The following KASH5 variants were observed in gnomAD, a reference collection of about 807,000 sequenced individuals.
KASH5 encodes the protein protein KASH5.
In KASH5, 72 loss-of-function variants were observed where a neutral mutation model predicts 84.2. That is an observed-to-expected ratio of 0.85 (90% confidence interval 0.71 to 1.04). KASH5 has a LOEUF of 1.04. Among genes scored for constraint, KASH5 ranks in the 50% least tolerant of loss-of-function variants. The pLI, the probability that KASH5 is intolerant of heterozygous loss-of-function variation, is 0.00. For synonymous variants in KASH5, 260 were observed against 279.1 expected, an observed-to-expected ratio of 0.93 and a Z score of 0.68; for missense variants, 650 against 701.0, an observed-to-expected ratio of 0.93 and a Z score of 0.82.
At chr19:49,400,361 T>C (rs1017289129) in intron 9 of KASH5, among the ~76,000 whole-genome samples, 6 of 146,874 alleles carry the variant, frequency 4.1e-5, no homozygotes, top group Non-Finnish European at 9.1e-5. Context: ...TTCTTTTTTT[T>C]TTTTTTCTTT....
chr19:49,413,367 G>A (rs891155541), intron 16 of KASH5, among the ~76,000 whole-genome samples: 1 of 152,212 alleles, frequency 6.6e-6, no homozygotes, highest in Non-Finnish European at 1.5e-5. Context: ...GTTGTATGCC[G>A]TGAAGTCCCA....
chr19:49,391,448 A>G (rs1974001646), intron 2 of KASH5, among the ~76,000 whole-genome samples: 1 of 152,224 alleles, frequency 6.6e-6, no homozygotes, highest in South Asian at 2.1e-4. Context: ...AAAAGAAAAA[A>G]GGAACAGGTG....
chr19:49,411,965 AAG>A (rs1974732091), intron 15 of KASH5, among the ~76,000 whole-genome samples: 1 of 142,242 alleles, frequency 7.0e-6, no homozygotes, highest in Non-Finnish European at 1.5e-5. Context: ...GGAAGGAAGG[AAG>A]GAAGGAAAGA....
Position 49,417,281 on chromosome 19 carries a change from G to A in KASH5, c.1547+15G>A, listed in dbSNP as rs547289817. The A allele has an allele frequency of 8.7e-5, 139 of 1,605,996 alleles. No individual in the cohort carries two copies. The African/African-American group carries it at 1.0e-3, about 12-fold the overall frequency. ...CAGCGGCTCAGGTGTGCCCCCAGGC[G>A]TCTCCAGAAGGAAGGAGGTGGTCTG... is the stretch of plus-strand genomic sequence containing the variant. On this transcript the variant is annotated intron_variant, in intron 19 of 19. Transcript: ENST00000447857. The surrounding 1 kb of genome is among the most constrained non-coding windows in gnomAD (Gnocchi z 5.2).
intron 9 of KASH5, among the ~76,000 whole-genome samples, chr19:49,403,990 C>T (rs548794654): frequency 2.5e-4 from 38 of 152,364 alleles, no homozygotes; most frequent in African/African-American, 7.9e-4. Context: ...GGAGAACCTA[C>T]AGAGCTGTCT....
rs1974232607 is a variant in KASH5, at chr19:49,397,860, G to A, written c.468-122G>A. Reference sequence around the variant, plus strand: ...CTGAAAGTTCAGGGAGAGCAGAGGAGTCTCTCTCCTGTTTATCTTTCCCCA... The same window carrying A: ...CTGAAAGTTCAGGGAGAGCAGAGGAATCTCTCTCCTGTTTATCTTTCCCCA... On this transcript the variant is annotated intron_variant, in intron 6 of 19. Transcript: ENST00000447857. 2.2e-5 allele frequency: 32 copies of A among 1,426,910 alleles called. 1 individual carries two copies. The highest frequency in any genetic ancestry group is 3.0e-5 in the Non-Finnish European group (31 of 1,036,010). The allele number at this position is 1,426,910 out of a possible 1,614,324, so 88.4% of individuals were successfully genotyped here.
intron 10 of KASH5, 25 bp downstream of exon 10, chr19:49,406,988 C>CA (rs1568619076): frequency 1.3e-6 from 2 of 1,561,676 alleles, no homozygotes; most frequent in Non-Finnish European, 1.7e-6. Context: ...TAGTGCCTGA[C>CA]AACTTTCCAC....
chr19:49,402,645 T>G (rs1974398462), intron 9 of KASH5, among the ~76,000 whole-genome samples: 1 of 152,106 alleles, frequency 6.6e-6, no homozygotes, highest in Admixed American at 6.5e-5. Context: ...AGGCAGAGGT[T>G]GCAGCGAGCT....
chr19:49,397,809 G>A, intron 6 of KASH5, 92 bp downstream of exon 6: 2 of 1,496,534 alleles, frequency 1.3e-6, no homozygotes. Flanking sequence ...GATCCTTCAG[G>A]GAAATGAATG....
rs769310834 is a variant in KASH5, at chr19:49,390,864, C to G, written c.-20C>G. 1.3e-6 allele frequency: 2 copies of G among 1,582,414 alleles called. No individual in the cohort carries two copies. Reference sequence around the variant, plus strand: ...AGGCTGGTAGCTTTGCCAGCAGCTGCGCCGCGGCAGGGGTGGCCCATGGAC... The same window carrying G: ...AGGCTGGTAGCTTTGCCAGCAGCTGGGCCGCGGCAGGGGTGGCCCATGGAC... On this transcript the variant is annotated 5_prime_UTR_variant, in exon 2 of 20. Transcript: ENST00000447857.
In KASH5 at chr19:49,406,881, T is replaced by C; in HGVS notation, c.799-5T>C. The C allele has an allele frequency of 1.2e-6, 2 of 1,603,476 alleles. No individual in the cohort carries two copies. The highest frequency in any genetic ancestry group is 1.7e-4 in the Middle Eastern group (1 of 6,052). On this transcript the variant is annotated splice_polypyrimidine_tract_variant and splice_region_variant and intron_variant, in intron 9 of 19. Transcript: ENST00000447857. ...ATGAACGTGACCAGCCATTCCTTCT[T>C]CTAGAACGGGAAGCTGCTTGCCGAG...
Position 49,416,520 on chromosome 19 carries a change from G to A in KASH5, c.1375-495G>A, listed in dbSNP as rs1010015108. ...ATGGCATGTTTTTAATTAGTAAAGC[G>A]CCTGCCGATTCTGGCATAGGCAGGA... On this transcript the variant is annotated intron_variant, in intron 17 of 19. Coordinates refer to ENST00000447857, the MANE Select transcript of KASH5 (RefSeq NM_144688.5). The surrounding 1 kb of genome is among the most constrained non-coding windows in gnomAD (Gnocchi z 5.4). Among the ~76,000 whole-genome samples the A allele has an allele frequency of 1.3e-5, 2 of 152,138 alleles. No homozygotes were observed. The highest frequency in any genetic ancestry group is 2.1e-4 in the South Asian group (1 of 4,834).
rs188695218 is a variant in KASH5, at chr19:49,392,322, G to A, written c.43+1396G>A. Among the ~76,000 whole-genome samples, 152 of 141,090 alleles carry A rather than the reference G, an allele frequency of 1.1e-3. 1 individual carries two copies. Among genetic ancestry groups the A allele is most frequent in the African/African-American group, 3.9e-3 (150 of 38,260 alleles). 92.6% of individuals were successfully genotyped at this position (141,090 alleles called of 152,430 possible). A position where few individuals can be genotyped will look rare whatever the true frequency, so the allele number is the denominator to read the frequency against. On this transcript the variant is annotated intron_variant, in intron 2 of 19. Coordinates refer to ENST00000447857, the MANE Select transcript of KASH5 (RefSeq NM_144688.5). ...ATGGAGGCAGAGAGACAGGACGTGG[G>A]GAAGAGAGACTGGGAGAAAGATAGA...
rs775251489 is a variant in KASH5 at position 49,417,097 on chromosome 19, G to T, written c.1439+18G>T. Reference sequence around the variant, plus strand: ...CCAGAGAGGTAATAGGACCCACAGGGTCCAGGAGGGACACTGGGGCAAGGA... The same window carrying T: ...CCAGAGAGGTAATAGGACCCACAGGTTCCAGGAGGGACACTGGGGCAAGGA... On this transcript the variant is annotated intron_variant, in intron 18 of 19. Coordinates refer to ENST00000447857, the MANE Select transcript of KASH5 (RefSeq NM_144688.5). The surrounding 1 kb of genome is among the most constrained non-coding windows in gnomAD (Gnocchi z 5.2). 2 of 1,604,542 alleles carry T rather than the reference G, an allele frequency of 1.2e-6. No individual in the cohort carries two copies. Among genetic ancestry groups the T allele is most frequent in the South Asian group, 2.2e-5 (2 of 89,284 alleles).
At chr19:49,388,831 A>G (rs1006421181) in intron 1 of KASH5, among the ~76,000 whole-genome samples, 9 of 152,014 alleles carry the variant, frequency 5.9e-5, no homozygotes, top group African/African-American at 2.2e-4. Context: ...GCCTGCCAGA[A>G]ACTTTCCCCA....
intron 2 of KASH5, among the ~76,000 whole-genome samples, chr19:49,392,675 G>T (rs1390820286): frequency 2.0e-5 from 3 of 152,138 alleles, no homozygotes; most frequent in Non-Finnish European, 4.4e-5. Context: ...ACTTTGCGAG[G>T]CCAAGGTGGG....
At position 49,399,248 on chromosome 19, in the gene KASH5, C is replaced by A; in HGVS notation, c.747+106C>A. ...GTAGGAAGGGGCAGAGGTCACCTGGCTTTCTCCCTCTCTCCAGGCCCTGCT... is the reference window on the plus strand; with the variant it reads ...GTAGGAAGGGGCAGAGGTCACCTGGATTTCTCCCTCTCTCCAGGCCCTGCT... On this transcript the variant is annotated intron_variant, in intron 8 of 19. Transcript: ENST00000447857. This position sits in a 1 kb window ranked among gnomAD's most constrained non-coding sequence, Gnocchi z 4.4. 2.0e-6 allele frequency: 2 copies of A among 1,023,482 alleles called. No individual in the cohort carries two copies. The highest frequency in any genetic ancestry group is 1.6e-5 in the South Asian group (1 of 61,068). The allele number at this position is 1,023,482 out of a possible 1,614,324, so 63.4% of individuals were successfully genotyped here. A position where few individuals can be genotyped will look rare whatever the true frequency, so the allele number is the denominator to read the frequency against.
At chr19:49,402,377 G>A (rs1235210100) in intron 9 of KASH5, among the ~76,000 whole-genome samples, 9 of 143,292 alleles carry the variant, frequency 6.3e-5, no homozygotes, top group Admixed American at 2.1e-4. Context: ...GTGAGAGCCC[G>A]TCTCTATAAA....
At position 49,416,825 on chromosome 19, in the gene KASH5, TGTG is replaced by T. The variant is rs1333877761; in HGVS notation, c.1375-186_1375-184del. Among the ~76,000 whole-genome samples, 1 of 151,538 alleles carries T rather than the reference TGTG, an allele frequency of 6.6e-6. No homozygotes were observed. Among genetic ancestry groups the T allele is most frequent in the Non-Finnish European group, 1.5e-5 (1 of 67,874 alleles). On this transcript the variant is annotated intron_variant, in intron 17 of 19. Transcript: ENST00000447857. This position sits in a 1 kb window ranked among gnomAD's most constrained non-coding sequence, Gnocchi z 5.4. Reference sequence around the variant, plus strand: ...ATGGGGAAAGAGCGGCACGGAGAGGTGTGGTGACATGCCAAGGACCCTCAGCCA... The same window carrying T: ...ATGGGGAAAGAGCGGCACGGAGAGGTGTGACATGCCAAGGACCCTCAGCCA...
Sources: allele counts gnomAD v4.1 joint callset (sites outside exome capture counted in the v4.1 genomes callset), GRCh38; gene constraint gnomAD v4.1.1; non-coding constraint Gnocchi (gnomAD v3.1); transcripts MANE v1.5; gene names NCBI Gene and HGNC (gene_info 2026-07-23, HGNC 2026-07-21).